The following MEIKIN variants were observed in gnomAD, a reference collection of about 807,000 sequenced individuals.
MEIKIN encodes meiotic kinetochore factor.
At chr5:131,848,043 A>G (rs1750047927) in intron 11 of MEIKIN, among the ~76,000 whole-genome samples, 1 of 152,184 alleles carries the variant, frequency 6.6e-6, no homozygotes, top group Non-Finnish European at 1.5e-5. Context: ...TTAAAGGGAA[A>G]TTTATGGCTA....
intron 8 of MEIKIN, among the ~76,000 whole-genome samples, chr5:131,894,701 G>C (rs935439351): frequency 2.0e-5 from 3 of 152,130 alleles, no homozygotes; most frequent in Admixed American, 2.0e-4. Context: ...CTCCCTGTTT[G>C]TCTGTTATTG....
intron 11 of MEIKIN, among the ~76,000 whole-genome samples, chr5:131,849,832 C>T (rs1001205209): frequency 6.6e-5 from 10 of 151,352 alleles, no homozygotes; most frequent in South Asian, 2.1e-4. Flanking sequence ...AGCAATTAGG[C>T]GATTAGGAAA....
chr5:131,922,728 G>A lies in MEIKIN; in HGVS notation c.479-787C>T, dbSNP rs555904293. Among the ~76,000 whole-genome samples the A allele has an allele frequency of 6.0e-4, 91 of 151,948 alleles. 1 individual carries two copies. Among genetic ancestry groups the A allele is most frequent in the Non-Finnish European group, 8.1e-4 (55 of 67,976 alleles). ...CCCCACCTTTCCTACCTCTCCCATCGTTCCCATATTGTTATATCATATATT... is the reference window on the plus strand; with the variant it reads ...CCCCACCTTTCCTACCTCTCCCATCATTCCCATATTGTTATATCATATATT... On this transcript the variant is annotated intron_variant, in intron 5 of 12. Transcript: ENST00000442687.
chr5:131,853,677 TAAAC>T (rs924548329), intron 10 of MEIKIN, among the ~76,000 whole-genome samples: 1 of 151,946 alleles, frequency 6.6e-6, no homozygotes, highest in African/African-American at 2.4e-5. Flanking sequence ...AATTCAAAAA[TAAAC>T]AAAGGACTTG....
intron 11 of MEIKIN, among the ~76,000 whole-genome samples, chr5:131,836,432 C>T (rs1184000402): frequency 6.6e-6 from 1 of 152,106 alleles, no homozygotes; most frequent in African/African-American, 2.4e-5. Flanking sequence ...ATTGCTGGGT[C>T]GAATGGTAGT....
chr5:131,828,372 AG>A (rs1749651098), intron 11 of MEIKIN, among the ~76,000 whole-genome samples: 1 of 152,110 alleles, frequency 6.6e-6, no homozygotes. Context: ...CATGTTGCCC[AG>A]GCTGGTCTTG....
intron 9 of MEIKIN, among the ~76,000 whole-genome samples, chr5:131,876,889 C>T (rs1317327076): frequency 1.1e-4 from 16 of 151,034 alleles, no homozygotes; most frequent in Non-Finnish European, 1.9e-4. Flanking sequence ...AGCAAACTAT[C>T]GCAAGGACAA....
rs73788781 is a variant in MEIKIN, at chr5:131,846,135, A to C, written c.975+5129T>G. On this transcript the variant is annotated intron_variant, in intron 11 of 12. Transcript: ENST00000442687. The stretch of plus-strand genomic sequence containing the variant: ...TGGGCTTATAAATTCAAAGTGCTAA[A>C]AGAAAAATATCTGTGAACCAAATAT... Among the ~76,000 whole-genome samples, 970 of 152,334 alleles carry C rather than the reference A, an allele frequency of 6.4e-3. 9 individuals carry two copies. The highest frequency in any genetic ancestry group is 0.022 in the African/African-American group (908 of 41,568).
intron 8 of MEIKIN, among the ~76,000 whole-genome samples, chr5:131,901,585 A>T (rs1430255102): frequency 6.6e-6 from 1 of 152,070 alleles, no homozygotes; most frequent in Admixed American, 6.5e-5. Flanking sequence ...GGCTGGCACC[A>T]CTCATCAGAG....
intron 8 of MEIKIN, among the ~76,000 whole-genome samples, chr5:131,907,247 C>T (rs552523005): frequency 2.0e-5 from 3 of 151,670 alleles, no homozygotes; most frequent in South Asian, 4.2e-4. Context: ...ATAAAAACTT[C>T]AAATAAACAA....
intron 10 of MEIKIN, among the ~76,000 whole-genome samples, chr5:131,853,246 AG>A (rs1317898917): frequency 6.6e-6 from 1 of 152,228 alleles, no homozygotes; most frequent in Admixed American, 6.5e-5. Flanking sequence ...CCCTGAGTGC[AG>A]GGACATTGTA....
chr5:131,812,315 G>C (rs891272949), intron 12 of MEIKIN, among the ~76,000 whole-genome samples: 3 of 152,066 alleles, frequency 2.0e-5, no homozygotes, highest in Admixed American at 6.6e-5. Flanking sequence ...TTTACTTAAT[G>C]GGCATTTGGA....
intron 11 of MEIKIN, among the ~76,000 whole-genome samples, chr5:131,821,918 C>A (rs1749515023): frequency 6.6e-6 from 1 of 152,030 alleles, no homozygotes; most frequent in African/African-American, 2.4e-5. Context: ...AGCCACCACA[C>A]CCAGCCTCTC....
intron 11 of MEIKIN, among the ~76,000 whole-genome samples, chr5:131,823,486 T>G (rs1456389769): frequency 6.6e-6 from 1 of 152,068 alleles, no homozygotes; most frequent in African/African-American, 2.4e-5. Context: ...TGATGCATTC[T>G]TAAGTATGCC....
intron 8 of MEIKIN, among the ~76,000 whole-genome samples, chr5:131,892,864 TG>T (rs1359594901): frequency 2.6e-5 from 4 of 152,230 alleles, no homozygotes; most frequent in Non-Finnish European, 4.4e-5. Context: ...CTTTGGTCTT[TG>T]ATGATGGTGA....
chr5:131,837,986 T>C (rs1479273607), intron 11 of MEIKIN, among the ~76,000 whole-genome samples: 1 of 152,174 alleles, frequency 6.6e-6, no homozygotes. Flanking sequence ...ATTATGATGT[T>C]GGCTGTGGGT....
At chr5:131,890,627 C>T (rs1302295388) in intron 8 of MEIKIN, among the ~76,000 whole-genome samples, 1 of 152,066 alleles carries the variant, frequency 6.6e-6, no homozygotes, top group Non-Finnish European at 1.5e-5. Context: ...ATTAGTCTTG[C>T]TAGTGGTCTA....
chr5:131,831,852 T>C (rs1749721281), intron 11 of MEIKIN, among the ~76,000 whole-genome samples: 1 of 152,158 alleles, frequency 6.6e-6, no homozygotes, highest in East Asian at 1.9e-4. Context: ...TCATCAGATC[T>C]TGTGAGGCTT....
intron 5 of MEIKIN, among the ~76,000 whole-genome samples, chr5:131,925,688 A>C (rs1751576481): frequency 6.6e-6 from 1 of 151,762 alleles, no homozygotes. Context: ...GTTTTTTTTG[A>C]GACAGAGTCT....
Sources: allele counts gnomAD v4.1 joint callset (sites outside exome capture counted in the v4.1 genomes callset), GRCh38; gene constraint gnomAD v4.1.1; transcripts MANE v1.5; gene names NCBI Gene and HGNC (gene_info 2026-07-23, HGNC 2026-07-21).